The following SMAD7 variants were observed in gnomAD, a reference collection of about 807,000 sequenced individuals.
SMAD7 encodes MAD (mothers against decapentaplegic, Drosophila) homolog 7.
Under a neutral mutation model 38.7 loss-of-function variants are expected in SMAD7, and 8 were observed. The observed-to-expected ratio is 0.21, with a 90% CI of 0.12 to 0.37. The LOEUF (loss-of-function observed/expected upper bound fraction) is 0.37, where lower values mean the gene tolerates loss of function less well. Among genes scored for constraint, SMAD7 ranks in the 10% least tolerant of loss-of-function variants. The pLI is 1.00. For synonymous variants in SMAD7, 327 were observed against 265.1 expected, an observed-to-expected ratio of 1.23 and a Z score of -2.27; for missense variants, 477 against 577.9, an observed-to-expected ratio of 0.83 and a Z score of 1.79.
In SMAD7 at chr18:48,950,261, G is replaced by C; in HGVS notation, c.164C>G (p.Pro55Arg). 6.6e-7 allele frequency: 1 copy of C among 1,518,292 alleles called. No homozygotes were observed. The allele number at this position is 1,518,292 out of a possible 1,614,324, so 94.1% of individuals were successfully genotyped here. ...GCCCAGGCAGCATCCAGCCCTGCCCGGGCCGCCGCCACCGGCCCCATGCGC... is the reference window on the plus strand; with the variant it reads ...GCCCAGGCAGCATCCAGCCCTGCCCCGGCCGCCGCCACCGGCCCCATGCGC... The part of the protein sequence containing the change: ...SRAHGAGGGG[P>R]GRAGCCLGKA... The change falls in exon 1 of 4, where the codon CCG (proline) becomes CGG (arginine). Residue 55 changes from proline (P) to arginine (R), a missense_variant. By Grantham distance (103) the Pro-to-Arg change is moderately radical (BLOSUM62 -2). Transcript: ENST00000262158.
At chr18:48,948,498 A>T in intron 1 of SMAD7, 61 bp from the exon 2 acceptor site, 1 of 1,184,188 alleles carries the variant, frequency 8.4e-7, no homozygotes, top group Non-Finnish European at 1.2e-6. Context: ...ATAGAAACTT[A>T]TGATAACAGA....
chr18:48,938,844 C>T (rs942823889), intron 3 of SMAD7, among the ~76,000 whole-genome samples: 4 of 152,190 alleles, frequency 2.6e-5, no homozygotes, highest in African/African-American at 7.2e-5. Context: ...TCAGACCTCT[C>T]CCAGGTGATC....
At chr18:48,928,285 AC>A (rs531018796) in intron 3 of SMAD7, among the ~76,000 whole-genome samples, 3 of 152,200 alleles carry the variant, frequency 2.0e-5, no homozygotes, top group Non-Finnish European at 4.4e-5. Context: ...TCAGTATTAA[AC>A]AACACTGGTT....
At chr18:48,939,136 G>A (rs2070105588) in intron 3 of SMAD7, among the ~76,000 whole-genome samples, 1 of 151,958 alleles carries the variant, frequency 6.6e-6, no homozygotes. Context: ...CTGTACGTCT[G>A]CGGCAAAACC....
intron 3 of SMAD7, among the ~76,000 whole-genome samples, chr18:48,931,172 G>A (rs2069995857): frequency 6.6e-6 from 1 of 152,142 alleles, no homozygotes; most frequent in Non-Finnish European, 1.5e-5. Flanking sequence ...AGGGGAGAAG[G>A]GAAGTTAGTG....
intron 3 of SMAD7, among the ~76,000 whole-genome samples, chr18:48,923,414 T>G (rs1281939652): frequency 6.6e-6 from 1 of 152,198 alleles, no homozygotes; most frequent in East Asian, 1.9e-4. Context: ...GGACACTAAC[T>G]GGCTCCAACT....
chr18:48,944,531 C>T (rs1429478906), intron 2 of SMAD7, among the ~76,000 whole-genome samples: 1 of 152,266 alleles, frequency 6.6e-6, no homozygotes, highest in Non-Finnish European at 1.5e-5. Context: ...TATACCTGTT[C>T]CATAGGCAGC....
At chr18:48,922,054 G>C in intron 3 of SMAD7, 144 bp from the exon 4 acceptor site, 1 of 671,686 alleles carries the variant, frequency 1.5e-6, no homozygotes, top group Admixed American at 3.0e-5. Context: ...GGCTAGTCCT[G>C]GACTTGCCCA....
intron 2 of SMAD7, among the ~76,000 whole-genome samples, chr18:48,946,604 T>TA (rs1202611547): frequency 1.3e-5 from 2 of 152,250 alleles, no homozygotes; most frequent in African/African-American, 2.4e-5. Flanking sequence ...CCAGCTGTCT[T>TA]AGTTTCCGAT....
rs2070012060 is a variant in SMAD7 at position 48,932,319 on chromosome 18, C to CGGCACAGTCATATCTT, written c.742+10146_742+10161dup. Among the ~76,000 whole-genome samples, 3 of 152,278 alleles carry CGGCACAGTCATATCTT rather than the reference C, an allele frequency of 2.0e-5. No homozygotes were observed. In the South Asian group the frequency reaches 6.2e-4, roughly 32 times the overall value. ...AAAATGCAGACAGCTAATCTGCCAA[C>CGGCACAGTCATATCTT]GGCACAGTCATATCTTGGCGTCTTA... is the stretch of plus-strand genomic sequence containing the variant. On this transcript the variant is annotated intron_variant, in intron 3 of 3. Transcript: ENST00000262158.
At chr18:48,949,722 G>A in intron 1 of SMAD7, 90 bp downstream of exon 1, 2 of 1,402,724 alleles carry the variant, frequency 1.4e-6, no homozygotes, top group Non-Finnish European at 1.9e-6. Flanking sequence ...TCCCCCTGGA[G>A]GGATGGCTGC....
intron 3 of SMAD7, among the ~76,000 whole-genome samples, chr18:48,935,078 C>T (rs974422903): frequency 6.6e-6 from 1 of 152,140 alleles, no homozygotes; most frequent in African/African-American, 2.4e-5. Flanking sequence ...AAGCCTGGTT[C>T]TCTCTCTAGC....
At chr18:48,927,608 G>C (rs1419402227) in intron 3 of SMAD7, among the ~76,000 whole-genome samples, 1 of 152,230 alleles carries the variant, frequency 6.6e-6, no homozygotes, top group Admixed American at 6.5e-5. Flanking sequence ...CCCAAGGCCA[G>C]CCTCATAAGG....
intron 3 of SMAD7, among the ~76,000 whole-genome samples, chr18:48,934,507 G>C (rs1272192951): frequency 6.6e-6 from 1 of 151,938 alleles, no homozygotes; most frequent in Non-Finnish European, 1.5e-5. Context: ...TAATGACACT[G>C]GGTGGGGCTC....
intron 3 of SMAD7, among the ~76,000 whole-genome samples, chr18:48,934,093 C>CA (rs1315486258): frequency 2.6e-5 from 4 of 152,088 alleles, no homozygotes; most frequent in African/African-American, 7.2e-5. Context: ...AACCCAGAGA[C>CA]AAAAAATGGA....
Position 48,924,355 on chromosome 18 carries a change from G to T in SMAD7, c.743-2445C>A, listed in dbSNP as rs113517315. On this transcript the variant is annotated intron_variant, in intron 3 of 3. Coordinates refer to ENST00000262158, the MANE Select transcript of SMAD7 (RefSeq NM_005904.4). ...GGGAGTGAGTGGAGTATGGACCTGA[G>T]ATCGAGGTGCCCCCATGCCAGGCCT... Among the ~76,000 whole-genome samples the T allele has an allele frequency of 7.9e-4, 121 of 152,266 alleles. 1 individual carries two copies. The highest frequency in any genetic ancestry group is 2.8e-3 in the African/African-American group (118 of 41,558).
At chr18:48,929,565 T>TCACACACACACACACACACACACACA (rs756130657) in intron 3 of SMAD7, among the ~76,000 whole-genome samples, 1 of 40,142 alleles carries the variant, frequency 2.5e-5, no homozygotes, top group African/African-American at 6.8e-5. Flanking sequence ...TCTCTCTCTC[T>TCACACACACACACACACACACACACA]CTCTCACTCA....
chr18:48,925,017 G>GCCCACACGAGTCTC (rs1473933495), intron 3 of SMAD7, among the ~76,000 whole-genome samples: 1 of 152,178 alleles, frequency 6.6e-6, no homozygotes, highest in Non-Finnish European at 1.5e-5. Flanking sequence ...CGGGCCCACA[G>GCCCACACGAGTCTC]CCCACACGAG....
chr18:48,921,310 T>C lies in SMAD7; in HGVS notation c.*62A>G. The C allele has an allele frequency of 7.0e-7, 1 of 1,424,830 alleles. No homozygotes were observed. Among genetic ancestry groups the C allele is most frequent in the Non-Finnish European group, 9.5e-7 (1 of 1,054,502 alleles). The allele number at this position is 1,424,830 out of a possible 1,614,324, so 88.3% of individuals were successfully genotyped here. The stretch of plus-strand genomic sequence containing the variant: ...AAGCAAGCACTCAGGAGGAAAATAT[T>C]AGCAGCAAAGTAGTTTGAAGTGTGG... On this transcript the variant is annotated 3_prime_UTR_variant, in exon 4 of 4. Coordinates refer to ENST00000262158, the MANE Select transcript of SMAD7 (RefSeq NM_005904.4). The surrounding 1 kb of genome is among the most constrained non-coding windows in gnomAD (Gnocchi z 6.4).
Sources: gnomAD v4.1 joint callset for allele counts (sites outside exome capture counted in the v4.1 genomes callset) on GRCh38, gnomAD v4.1.1 for gene constraint, Gnocchi (gnomAD v3.1) non-coding constraint, MANE v1.5 for transcripts, NCBI Gene and HGNC (gene_info 2026-07-23, HGNC 2026-07-21) for gene names.